The following PASK variants were observed in gnomAD, a reference collection of about 807,000 sequenced individuals.
PASK encodes the protein PAS domain-containing serine/threonine-protein kinase.
PASK carries 110 observed loss-of-function variants against 121.0 expected under a neutral mutation model. The observed-to-expected ratio is 0.91, with a 90% CI of 0.78 to 1.06. The LOEUF (loss-of-function observed/expected upper bound fraction) is 1.06. Ranked by LOEUF, PASK falls within the 50% of genes least tolerant of loss-of-function variation. The pLI is 0.00. For synonymous variants in PASK, 686 were observed against 717.8 expected, an observed-to-expected ratio of 0.96 and a Z score of 0.71; for missense variants, 1,643 against 1,702.3, an observed-to-expected ratio of 0.97 and a Z score of 0.61.
intron 12 of PASK, among the ~76,000 whole-genome samples, chr2:241,117,693 C>T: frequency 6.6e-6 from 1 of 152,188 alleles, no homozygotes. Context: ...AAAAATAAAT[C>T]ACGTTTTGCT....
chr2:241,114,282 G>A lies in PASK; in HGVS notation c.3333+761C>T, dbSNP rs991323220. On this transcript the variant is annotated intron_variant, in intron 14 of 17. Transcript: ENST00000234040. Reference sequence around the variant, plus strand: ...CGGAAACCCAACAACCCGAGAGTGTGTAGCTTTAAGGAAGAAATGTTGATT... The same window carrying A: ...CGGAAACCCAACAACCCGAGAGTGTATAGCTTTAAGGAAGAAATGTTGATT... 6.1e-6 allele frequency: 6 copies of A among 985,260 alleles called. No individual in the cohort carries two copies. In the African/African-American group the frequency reaches 7.0e-5, roughly 11 times the overall value. 61.0% of individuals were successfully genotyped at this position (985,260 alleles called of 1,614,324 possible).
In PASK at chr2:241,124,081, G is replaced by C. The variant is rs774441537; in HGVS notation, c.2772C>G (p.Phe924Leu). The change falls in exon 11 of 18, where the codon TTC becomes TTG. Residue 924 changes from phenylalanine to leucine, a missense_variant. Physicochemically the swap from Phe to Leu is conservative, Grantham distance 22. Coordinates refer to ENST00000234040, the MANE Select transcript of PASK (RefSeq NM_015148.4). ...RVELQGPTPL[F>L]CCWLVKDLLH... ...GGAGGTCTTTCACCAGCCAGCAGCA[G>C]AACAGAGGTGTGGGGCCCTGGAGCT... 8.1e-6 allele frequency: 13 copies of C among 1,613,752 alleles called. No homozygotes were observed. In the Admixed American group the frequency reaches 2.2e-4, roughly 27 times the overall value.
At chr2:241,140,372 G>T (rs1030589177) in intron 3 of PASK, 149 bp downstream of exon 3, 4 of 713,246 alleles carry the variant, frequency 5.6e-6, no homozygotes, top group Non-Finnish European at 1.0e-5. Flanking sequence ...TGCCCAGGCT[G>T]GTCTTGAACT....
intron 12 of PASK, chr2:241,118,972 C>A: frequency 9.9e-7 from 1 of 1,011,720 alleles, no homozygotes; most frequent in Non-Finnish European, 1.2e-6. Context: ...GGGCAGCACC[C>A]CCAGCCTCCA....
In PASK at chr2:241,126,276, C is replaced by T. The variant is rs761364192; in HGVS notation, c.2639G>A (p.Arg880His). The T allele has an allele frequency of 7.3e-5, 118 of 1,614,044 alleles. No homozygotes were observed. Among genetic ancestry groups the T allele is most frequent in the African/African-American group, 1.5e-4 (11 of 74,924 alleles). The part of the protein sequence containing the change: ...QVTSTPVIVM[R>H]GAAGLQREIQ... Reference sequence around the variant, plus strand: ...CTCCCGCTGCAGGCCAGCAGCCCCGCGCATCACGATCACGGGCGTGGAGGT... The same window carrying T: ...CTCCCGCTGCAGGCCAGCAGCCCCGTGCATCACGATCACGGGCGTGGAGGT... Residue 880 changes from arginine to histidine, a missense_variant, in exon 10 of 18, where the codon CGC becomes CAC. Around this residue, in one of 3 missense-constraint regions of PASK, gnomAD observed 1,176 missense variants for 1,162.2 expected, o/e 1.01. Coordinates refer to ENST00000234040, the MANE Select transcript of PASK (RefSeq NM_015148.4).
At chr2:241,122,006 T>C (rs372739568) in intron 12 of PASK, among the ~76,000 whole-genome samples, 2 of 152,158 alleles carry the variant, frequency 1.3e-5, no homozygotes, top group Non-Finnish European at 2.9e-5. Flanking sequence ...CACCAAATAA[T>C]TGGCAATTAA....
chr2:241,132,400 C>T (rs1374798591), intron 9 of PASK, among the ~76,000 whole-genome samples: 5 of 151,598 alleles, frequency 3.3e-5, no homozygotes, highest in African/African-American at 4.8e-5. Context: ...CCTGTAGTCC[C>T]CAGCTACTCG....
Position 241,136,028 on chromosome 2 carries a change from G to A in PASK, c.1149C>T (p.Phe383=), listed in dbSNP as rs761201439. 1.2e-6 allele frequency: 2 copies of A among 1,613,980 alleles called. No individual in the cohort carries two copies. The highest frequency in any genetic ancestry group is 1.1e-5 in the South Asian group (1 of 91,074). The change falls in exon 8 of 18, where the codon TTC becomes TTT. Residue 383 remains phenylalanine (F), a synonymous_variant. Transcript: ENST00000234040. The part of the protein sequence containing the change: ...KTELLGKNIT[F]LIPGFYSYMD... ...TGTAGCTGTAGAAACCAGGAATCAGGAAAGTGATATTCTAGAAAACAAAGC... is the reference window on the plus strand; with the variant it reads ...TGTAGCTGTAGAAACCAGGAATCAGAAAAGTGATATTCTAGAAAACAAAGC...
In PASK at chr2:241,106,206, G is replaced by A. The variant is rs532468417; in HGVS notation, c.*360C>T. 5 of 283,466 alleles carry A rather than the reference G, an allele frequency of 1.8e-5. No homozygotes were observed. Among genetic ancestry groups the A allele is most frequent in the East Asian group, 9.0e-5 (1 of 11,070 alleles). The allele number at this position is 283,466 out of a possible 1,614,324, so 17.6% of individuals were successfully genotyped here. A position where few individuals can be genotyped will look rare whatever the true frequency, so the allele number is the denominator to read the frequency against. On this transcript the variant is annotated 3_prime_UTR_variant, in exon 18 of 18. Transcript: ENST00000234040. ...CCAGTTCTACAAATTTCACATATCCGTCACTCAGATGAGCATATACCAAGT... is the reference window on the plus strand; with the variant it reads ...CCAGTTCTACAAATTTCACATATCCATCACTCAGATGAGCATATACCAAGT...
intron 14 of PASK, chr2:241,114,178 G>A: frequency 1.0e-6 from 1 of 980,346 alleles, no homozygotes; most frequent in Non-Finnish European, 1.2e-6. Flanking sequence ...TCCAACACAG[G>A]AAGAGGGAGA....
intron 1 of PASK, among the ~76,000 whole-genome samples, chr2:241,144,665 G>A (rs889689589): frequency 1.6e-4 from 25 of 152,174 alleles, no homozygotes; most frequent in African/African-American, 6.0e-4. Context: ...CAGGAATAGC[G>A]AGCTTGGACA....
chr2:241,130,232 G>A (rs935249746), intron 9 of PASK, among the ~76,000 whole-genome samples: 2 of 152,216 alleles, frequency 1.3e-5, no homozygotes, highest in African/African-American at 2.4e-5. Context: ...ATGACTGAGC[G>A]GGGAATGAAT....
At chr2:241,110,347 G>A (rs16843285) in intron 15 of PASK, among the ~76,000 whole-genome samples, 3,483 of 152,336 alleles carry the variant, frequency 0.023, 291 homozygotes, top group East Asian at 0.23. Context: ...TGGAGTAGAC[G>A]GAGATGAAGA....
At chr2:241,150,299 T>C, upstream of PASK, 2 of 1,320,612 alleles carry the variant, frequency 1.5e-6, no homozygotes, top group East Asian at 3.1e-5. Flanking sequence ...CGCCTGAAAT[T>C]ACCTGCTCTG....
At chr2:241,148,357 A>T (rs1187147765) in intron 1 of PASK, among the ~76,000 whole-genome samples, 1 of 152,228 alleles carries the variant, frequency 6.6e-6, no homozygotes, top group Non-Finnish European at 1.5e-5. Flanking sequence ...CATTGCTGTC[A>T]GCACAGCTGT....
chr2:241,122,341 G>A (rs1054075854), intron 12 of PASK, among the ~76,000 whole-genome samples: 1 of 152,212 alleles, frequency 6.6e-6, no homozygotes, highest in Non-Finnish European at 1.5e-5. Context: ...TATTTGAAAA[G>A]ATTAAGCATG....
chr2:241,117,684 A>C (rs1459824650), intron 12 of PASK, among the ~76,000 whole-genome samples: 3 of 152,256 alleles, frequency 2.0e-5, no homozygotes, highest in African/African-American at 4.8e-5. Context: ...TCTAGAAAGA[A>C]AAATAAATCA....
At chr2:241,125,531 C>T (rs11902438) in intron 10 of PASK, among the ~76,000 whole-genome samples, 5,082 of 144,758 alleles carry the variant, frequency 0.035, 301 homozygotes, top group African/African-American at 0.12. Flanking sequence ...ACCCGGGAGG[C>T]GGAGCTTGCA....
chr2:241,149,061 C>G (rs765735140), intron 1 of PASK, among the ~76,000 whole-genome samples: 1 of 152,060 alleles, frequency 6.6e-6, no homozygotes, highest in Non-Finnish European at 1.5e-5. Flanking sequence ...TCTCCTGGAG[C>G]TCGCCCCGCA....
Sources: allele counts gnomAD v4.1 joint callset (sites outside exome capture counted in the v4.1 genomes callset), GRCh38; gene constraint gnomAD v4.1.1; regional missense constraint gnomAD v4.1.1; transcripts MANE v1.5; gene names NCBI Gene and HGNC (gene_info 2026-07-23, HGNC 2026-07-21).